The following ANXA2 variants were observed in gnomAD, a reference collection of about 807,000 sequenced individuals.
ANXA2 encodes the protein annexin II.
In ANXA2, 28 loss-of-function variants were observed where a neutral mutation model predicts 47.3. The ratio of observed to expected loss-of-function variants is 0.59; its 90% CI spans 0.44 to 0.81. The LOEUF (loss-of-function observed/expected upper bound fraction) is 0.81. Ranked by LOEUF, ANXA2 falls within the 40% of genes least tolerant of loss-of-function variation. The pLI, the probability that ANXA2 is intolerant of heterozygous loss-of-function variation, is 0.00. For synonymous variants in ANXA2, 172 were observed against 155.5 expected (o/e 1.11, Z -0.79); for missense variants, 384 against 414.3 (o/e 0.93, Z 0.64).
intron 3 of ANXA2, among the ~76,000 whole-genome samples, chr15:60,372,260 G>A (rs904354151): frequency 6.6e-6 from 1 of 152,044 alleles, no homozygotes; most frequent in Non-Finnish European, 1.5e-5. Context: ...CCCATCTGAG[G>A]TGGGTGCCAT....
In ANXA2 at chr15:60,352,680, A is replaced by T. The variant is rs191212436; in HGVS notation, c.589-204T>A. On this transcript the variant is annotated intron_variant, in intron 8 of 12. Transcript: ENST00000451270. This position sits in a 1 kb window ranked among gnomAD's most constrained non-coding sequence, Gnocchi z 4.2. ...TCTTCCTTAGGCACAGATGGATACC[A>T]TATGAGACTGCAGATAGTTCGTGAG... Among the ~76,000 whole-genome samples, 1 of 152,362 alleles carries T rather than the reference A, an allele frequency of 6.6e-6. No individual in the cohort carries two copies. The highest frequency in any genetic ancestry group is 2.4e-5 in the African/African-American group (1 of 41,590).
At chr15:60,351,988 G>T (rs1349368583) in intron 9 of ANXA2, among the ~76,000 whole-genome samples, 169 bp from the exon 10 acceptor site, 1 of 152,156 alleles carries the variant, frequency 6.6e-6, no homozygotes, top group African/African-American at 2.4e-5. Context: ...GGCCAAGTTT[G>T]TCGTGGAACA....
intron 1 of ANXA2, among the ~76,000 whole-genome samples, chr15:60,388,954 C>T (rs2062970950): frequency 6.6e-6 from 1 of 151,676 alleles, no homozygotes; most frequent in Non-Finnish European, 1.5e-5. Context: ...CCCAGGCTGA[C>T]AGTCTTCTTG....
At position 60,350,857 on chromosome 15, in the gene ANXA2, G is replaced by A. The variant is rs1053928807; in HGVS notation, c.837+336C>T. Among the ~76,000 whole-genome samples, 16 of 152,150 alleles carry A rather than the reference G, an allele frequency of 1.1e-4. 1 individual carries two copies. Among genetic ancestry groups the A allele is most frequent in the Admixed American group, 9.8e-4 (15 of 15,278 alleles). On this transcript the variant is annotated intron_variant, in intron 11 of 12. Transcript: ENST00000451270. ...ACTGTATAGTGGGTGCTTAATAATC[G>A]CTCCCTTCCTCGCTTGTCTTGACTC...
Position 60,381,907 on chromosome 15 carries a change from T to C in ANXA2, c.148+435A>G, listed in dbSNP as rs920921110. 9.9e-5 allele frequency among the ~76,000 whole-genome samples: 15 copies of C among 151,574 alleles called. 1 individual carries two copies. ...AGAGCTGCACCCAAAAGCATACCCCTAGGACCAGATCCGGCTCCCAGACTG... is the reference window on the plus strand; with the variant it reads ...AGAGCTGCACCCAAAAGCATACCCCCAGGACCAGATCCGGCTCCCAGACTG... On this transcript the variant is annotated intron_variant, in intron 3 of 12. Coordinates refer to ENST00000451270, the MANE Select transcript of ANXA2 (RefSeq NM_004039.3).
intron 3 of ANXA2, among the ~76,000 whole-genome samples, chr15:60,378,521 T>C (rs984807291): frequency 2.0e-5 from 3 of 152,236 alleles, no homozygotes; most frequent in African/African-American, 7.2e-5. Context: ...CCAATGCTAA[T>C]ATTAGCACTG....
chr15:60,347,555 G>T lies in ANXA2; in HGVS notation c.*75C>A, dbSNP rs759925999. 1 of 1,482,386 alleles carries T rather than the reference G, an allele frequency of 6.7e-7. No homozygotes were observed. The highest frequency in any genetic ancestry group is 1.1e-5 in the South Asian group (1 of 87,968). 91.8% of individuals were successfully genotyped at this position (1,482,386 alleles called of 1,614,324 possible). ...GGGATGGCCACGGGGACTGTTATTC[G>T]CAAGCTGGTTTTCTAGACCTGTTAG... On this transcript the variant is annotated 3_prime_UTR_variant, in exon 13 of 13. Transcript: ENST00000451270.
intron 3 of ANXA2, among the ~76,000 whole-genome samples, chr15:60,379,938 C>A (rs1295614241): frequency 6.6e-6 from 1 of 152,214 alleles, no homozygotes; most frequent in Non-Finnish European, 1.5e-5. Flanking sequence ...CATTCCAGTG[C>A]ACTAAGTGCT....
chr15:60,366,763 G>A (rs2062616031), intron 3 of ANXA2, among the ~76,000 whole-genome samples: 1 of 95,516 alleles, frequency 1.0e-5, no homozygotes, highest in African/African-American at 3.7e-5. Flanking sequence ...GAAGTGAGGA[G>A]CCCCTCTGCC....
chr15:60,349,529 A>C (rs1895891938), intron 11 of ANXA2, among the ~76,000 whole-genome samples: 1 of 152,146 alleles, frequency 6.6e-6, no homozygotes, highest in Admixed American at 6.5e-5. Flanking sequence ...TTACAAAATC[A>C]AAAATAAATC....
rs12900365 is a variant in ANXA2, at chr15:60,352,264, T to A, written c.682+119A>T. 279,245 of 649,758 alleles carry A rather than the reference T, an allele frequency of 0.43. 61,091 individuals are homozygous for A. The highest frequency in any genetic ancestry group is 0.6 in the Admixed American group (20,682 of 34,496). 40.2% of individuals were successfully genotyped at this position (649,758 alleles called of 1,614,324 possible). On this transcript the variant is annotated intron_variant, in intron 9 of 12. Transcript: ENST00000451270. This position sits in a 1 kb window ranked among gnomAD's most constrained non-coding sequence, Gnocchi z 4.2. ...AGGTGAGGGAAAATGGGTGAGCCTA[T>A]GAGAGTGCCAAGCGGAGACAGAACC...
intron 2 of ANXA2, chr15:60,384,010 A>G (rs2062900114): frequency 6.6e-6 from 1 of 152,190 alleles, no homozygotes; most frequent in Non-Finnish European, 1.5e-5. Context: ...CAAATATTAA[A>G]TCCAGTTCAT....
At chr15:60,392,124 TG>T (rs2063020179) in intron 1 of ANXA2, among the ~76,000 whole-genome samples, 1 of 152,152 alleles carries the variant, frequency 6.6e-6, no homozygotes. Context: ...ATTCACTACT[TG>T]GGTAGGAAAA....
chr15:60,387,589 G>C (rs1213488957), intron 1 of ANXA2, among the ~76,000 whole-genome samples: 1 of 152,198 alleles, frequency 6.6e-6, no homozygotes, highest in East Asian at 1.9e-4. Context: ...TTCTGGAAAA[G>C]GCAAAATTAT....
Position 60,384,233 on chromosome 15 carries a change from C to T in ANXA2, c.49-1792G>A, listed in dbSNP as rs576279430. On this transcript the variant is annotated intron_variant, in intron 2 of 12. Transcript: ENST00000451270. ...TTTTCCCATTTATTAAGAGTGCCAT[C>T]GGTTATTTACAAGGCAGGCAGTCCA... The T allele has an allele frequency of 9.9e-5, 15 of 152,276 alleles. No homozygotes were observed. The South Asian group carries it at 1.5e-3, about 15-fold the overall frequency. The allele number at this position is 152,276 out of a possible 1,614,324, so 9.4% of individuals were successfully genotyped here.
In ANXA2 at chr15:60,347,312, G is replaced by T; in HGVS notation, c.*318C>A. On this transcript the variant is annotated 3_prime_UTR_variant, in exon 13 of 13. Transcript: ENST00000451270. ...TAATTTTCAAACAATTCAGTTGAAA[G>T]CAGGGCCACAAAGTACGTGTTTCTA... is the stretch of plus-strand genomic sequence containing the variant. 1 of 375,158 alleles carries T rather than the reference G, an allele frequency of 2.7e-6. No individual in the cohort carries two copies. Among genetic ancestry groups the T allele is most frequent in the East Asian group, 5.0e-5 (1 of 19,906 alleles). The allele number at this position is 375,158 out of a possible 1,614,324, so 23.2% of individuals were successfully genotyped here.
intron 3 of ANXA2, among the ~76,000 whole-genome samples, chr15:60,375,406 T>C (rs2062762758): frequency 6.6e-6 from 1 of 152,186 alleles, no homozygotes; most frequent in South Asian, 2.1e-4. Context: ...CTGCTGCTAA[T>C]TACAGTCTAT....
intron 2 of ANXA2, among the ~76,000 whole-genome samples, chr15:60,385,231 C>A (rs536850205): frequency 3.9e-4 from 59 of 152,214 alleles, no homozygotes; most frequent in African/African-American, 1.2e-3. Flanking sequence ...AATATCCTAG[C>A]TTTTTTAGAG....
intron 1 of ANXA2, chr15:60,393,223 T>A (rs937555992): frequency 8.9e-7 from 1 of 1,121,114 alleles, no homozygotes; most frequent in African/African-American, 1.7e-5. Flanking sequence ...TCAATATTTG[T>A]TTGCTCCCTA....
Sources: allele counts gnomAD v4.1 joint callset (sites outside exome capture counted in the v4.1 genomes callset), GRCh38; gene constraint gnomAD v4.1.1; non-coding constraint Gnocchi (gnomAD v3.1); transcripts MANE v1.5; gene names NCBI Gene and HGNC (gene_info 2026-07-23, HGNC 2026-07-21).